FAM161B: variants seen among roughly 807,000 people sequenced by gnomAD.
FAM161B encodes the protein FAM161 centrosomal protein B.
FAM161B carries 46 observed loss-of-function variants against 61.5 expected under a neutral mutation model. That is an observed-to-expected ratio of 0.75 (90% CI 0.59 to 0.96). The LOEUF (loss-of-function observed/expected upper bound fraction) is 0.96. Among genes scored for constraint, FAM161B ranks in the 40% least tolerant of loss-of-function variants. FAM161B has a pLI of 0.00. For missense variants in FAM161B, 774 were observed against 800.7 expected (o/e 0.97, Z 0.40); for synonymous variants, 284 against 302.7 (o/e 0.94, Z 0.64).
intron 2 of FAM161B, among the ~76,000 whole-genome samples, chr14:73,945,948 G>A (rs1046908211): frequency 2.0e-5 from 3 of 152,000 alleles, no homozygotes; most frequent in Non-Finnish European, 4.4e-5. Flanking sequence ...CACCATGTTG[G>A]CCAGGCTGGT....
At position 73,942,221 on chromosome 14, in the gene FAM161B, T is replaced by C. The variant is rs1238410409; in HGVS notation, c.1272+148A>G. 3 of 771,830 alleles carry C rather than the reference T, an allele frequency of 3.9e-6. No homozygotes were observed. The East Asian group carries it at 8.1e-5, about 21-fold the overall frequency. 47.8% of individuals were successfully genotyped at this position (771,830 alleles called of 1,614,324 possible). ...CCAGGCTGGGCTGTGGTCTGGAGTT[T>C]ATAGGAAAGTGAATCTGCTTACAAC... is the stretch of plus-strand genomic sequence containing the variant. On this transcript the variant is annotated intron_variant, in intron 4 of 8. Coordinates refer to ENST00000286544, the MANE Select transcript of FAM161B (RefSeq NM_152445.3).
chr14:73,927,483 A>T (rs533046787), downstream of FAM161B, among the ~76,000 whole-genome samples: 1 of 152,302 alleles, frequency 6.6e-6, no homozygotes, highest in East Asian at 1.9e-4. Context: ...TACCTAGTAC[A>T]CATTATTATT....
At chr14:73,941,837 C>G (rs759785698) in intron 4 of FAM161B, among the ~76,000 whole-genome samples, 1 of 152,134 alleles carries the variant, frequency 6.6e-6, no homozygotes, top group Non-Finnish European at 1.5e-5. Flanking sequence ...TCTGAAGTAG[C>G]TGGGATTACA....
At chr14:73,926,740 T>C (rs1475338812), downstream of FAM161B, among the ~76,000 whole-genome samples, 2 of 93,250 alleles carry the variant, frequency 2.1e-5, no homozygotes, top group African/African-American at 6.1e-5. Context: ...CGGCCAGGAA[T>C]TGGGAGTTTT....
intron 8 of FAM161B, 28 bp from the exon 9 acceptor site, chr14:73,934,422 C>A (rs973215854): frequency 1.4e-5 from 22 of 1,582,706 alleles, no homozygotes; most frequent in Non-Finnish European, 1.8e-5. Context: ...ACATGAAAAA[C>A]AAAAAAAATT....
chr14:73,929,768 G>T (rs1472486440), downstream of FAM161B, among the ~76,000 whole-genome samples: 1 of 151,658 alleles, frequency 6.6e-6, no homozygotes, highest in African/African-American at 2.4e-5. Flanking sequence ...AGTGAGCCAT[G>T]ATCTTGCCAC....
intron 1 of FAM161B, among the ~76,000 whole-genome samples, chr14:73,947,057 T>C (rs943100076): frequency 4.6e-5 from 7 of 152,204 alleles, no homozygotes; most frequent in Non-Finnish European, 1.0e-4. Flanking sequence ...ACTCCTCTGC[T>C]TTCCTCATGT....
intron 6 of FAM161B, 108 bp downstream of exon 6, chr14:73,937,840 C>T (rs547537013): frequency 6.4e-6 from 10 of 1,565,842 alleles, no homozygotes; most frequent in Non-Finnish European, 8.7e-6. Flanking sequence ...GCTGTGATTA[C>T]AGGAGCCTAC....
Position 73,934,221 on chromosome 14 carries a change from A to C in FAM161B, c.*35T>G. ...GACTCAAACCCAAGTTAGCTGCTTA[A>C]TATTTTTCAAAAGCAGTAATTTTAA... On this transcript the variant is annotated 3_prime_UTR_variant, in exon 9 of 9. Coordinates refer to ENST00000286544, the MANE Select transcript of FAM161B (RefSeq NM_152445.3). 6.2e-7 allele frequency: 1 copy of C among 1,600,802 alleles called. No individual in the cohort carries two copies. Among genetic ancestry groups the C allele is most frequent in the South Asian group, 1.1e-5 (1 of 88,670 alleles).
At chr14:73,928,166 G>A (rs541463717), downstream of FAM161B, among the ~76,000 whole-genome samples, 3 of 152,120 alleles carry the variant, frequency 2.0e-5, no homozygotes, top group East Asian at 1.9e-4. Flanking sequence ...AGTGTAGTAC[G>A]TTCCAGTCTT....
Position 73,946,615 on chromosome 14 carries a change from A to G in FAM161B, c.55-10T>C, listed in dbSNP as rs1338757021. On this transcript the variant is annotated splice_polypyrimidine_tract_variant and intron_variant, in intron 1 of 8. Transcript: ENST00000286544. ...ACTCGGGGGGAAATATCTAAAATAG[A>G]ATAGAAATAGGCTGTGGGTCAAACA... 6.2e-7 allele frequency: 1 copy of G among 1,609,088 alleles called. No homozygotes were observed. Among genetic ancestry groups the G allele is most frequent in the Admixed American group, 1.7e-5 (1 of 59,652 alleles).
intron 1 of FAM161B, among the ~76,000 whole-genome samples, chr14:73,948,903 G>A (rs1216588613): frequency 3.3e-5 from 5 of 151,550 alleles, no homozygotes; most frequent in East Asian, 1.9e-4. Context: ...CTGGAGGCAC[G>A]CGCCACCACA....
intron 5 of FAM161B, among the ~76,000 whole-genome samples, chr14:73,939,621 G>A (rs1337484154): frequency 6.6e-6 from 1 of 152,240 alleles, no homozygotes; most frequent in African/African-American, 2.4e-5. Context: ...CAGTGGGCTG[G>A]AAGGTGTCTG....
chr14:73,946,859 A>G (rs1462152632), intron 1 of FAM161B, among the ~76,000 whole-genome samples: 1 of 152,060 alleles, frequency 6.6e-6, no homozygotes, highest in Admixed American at 6.6e-5. Flanking sequence ...ATGGAGAGGG[A>G]AGTGAAGAGC....
downstream of FAM161B, chr14:73,932,131 C>A (rs1393130038): frequency 2.5e-6 from 1 of 407,032 alleles, no homozygotes; most frequent in Non-Finnish European, 4.9e-6. Context: ...TTGTCCTATA[C>A]ACTTCTACTT....
chr14:73,932,626 C>CATCA lies in FAM161B; in HGVS notation c.*1626_*1629dup, dbSNP rs2055933541. 2.7e-6 allele frequency: 1 copy of CATCA among 377,296 alleles called. No homozygotes were observed. The highest frequency in any genetic ancestry group is 2.1e-5 in the African/African-American group (1 of 47,230). 23.4% of individuals were successfully genotyped at this position (377,296 alleles called of 1,614,324 possible). Reference sequence around the variant, plus strand: ...CACAGCTACTGAGAAAATATCCACTCATCATCATTATGATTTGAGATGGGG... The same window carrying CATCA: ...CACAGCTACTGAGAAAATATCCACTCATCAATCATCATTATGATTTGAGATGGGG... On this transcript the variant is annotated 3_prime_UTR_variant, in exon 9 of 9. Coordinates refer to ENST00000286544, the MANE Select transcript of FAM161B (RefSeq NM_152445.3).
At chr14:73,923,814 T>A in the FAM161B span, among the ~76,000 whole-genome samples, 9 of 152,142 alleles carry the variant, frequency 5.9e-5, no homozygotes, top group African/African-American at 9.7e-5. Context: ...GATACAGCTT[T>A]TATTTTATAA....
intron 1 of FAM161B, among the ~76,000 whole-genome samples, chr14:73,949,027 T>G (rs926227231): frequency 6.6e-6 from 1 of 152,200 alleles, no homozygotes; most frequent in Non-Finnish European, 1.5e-5. Flanking sequence ...CAAGTGATTC[T>G]CCTGCCTCAG....
the FAM161B span, chr14:73,923,290 A>G: frequency 3.8e-5 from 48 of 1,268,942 alleles, no homozygotes; most frequent in Non-Finnish European, 4.7e-5. Context: ...GAATGTGGGA[A>G]ATAGAGGAAT....
Sources: allele counts gnomAD v4.1 joint callset (sites outside exome capture counted in the v4.1 genomes callset), GRCh38; gene constraint gnomAD v4.1.1; transcripts MANE v1.5; gene names NCBI Gene and HGNC (gene_info 2026-07-23, HGNC 2026-07-21).